Variants in EFNA5 observed in about 807,000 individuals in gnomAD.
EFNA5 encodes the protein ephrin-A5.
Under a neutral mutation model 22.9 loss-of-function variants are expected in EFNA5, and 5 were observed. That is an observed-to-expected ratio of 0.22 (90% CI 0.11 to 0.46). The LOEUF is 0.46. Ranked by LOEUF, EFNA5 falls within the 20% of genes least tolerant of loss-of-function variation. EFNA5 has a pLI of 0.99. For missense variants in EFNA5, 237 were observed against 293.3 expected (o/e 0.81, Z 1.40); for synonymous variants, 113 against 112.2 (o/e 1.01, Z -0.04).
chr5:107,586,766 A>T (rs1021458290), intron 1 of EFNA5, among the ~76,000 whole-genome samples: 5 of 152,330 alleles, frequency 3.3e-5, no homozygotes, highest in East Asian at 3.9e-4. Flanking sequence ...GGAAACCAAG[A>T]ACACTCCTTC....
In EFNA5 at chr5:107,634,511, T is replaced by C. The variant is rs1750332231; in HGVS notation, c.125+35978A>G. 1.8e-5 allele frequency among the ~76,000 whole-genome samples: 2 copies of C among 112,854 alleles called. 1 individual carries two copies. Among genetic ancestry groups the C allele is most frequent in the Non-Finnish European group, 4.4e-5 (2 of 45,788 alleles). The allele number at this position is 112,854 out of a possible 152,430, so 74.0% of individuals were successfully genotyped here. ...AGCCTGGACAACAAATGAGATCCTC[T>C]CACAAAAAAAGAAGAAAGTTCACAA... On this transcript the variant is annotated intron_variant, in intron 1 of 4. Coordinates refer to ENST00000333274, the MANE Select transcript of EFNA5 (RefSeq NM_001962.3).
At chr5:107,458,031 A>G (rs1422098590) in intron 1 of EFNA5, among the ~76,000 whole-genome samples, 1 of 152,162 alleles carries the variant, frequency 6.6e-6, no homozygotes, top group East Asian at 1.9e-4. Context: ...CTCCTCTTCC[A>G]AATCCCATGC....
At chr5:107,579,511 T>C (rs1034647734) in intron 1 of EFNA5, among the ~76,000 whole-genome samples, 1 of 151,448 alleles carries the variant, frequency 6.6e-6, no homozygotes, top group East Asian at 1.9e-4. Context: ...AAGAAACATA[T>C]AGTTGTGTGA....
intron 1 of EFNA5, among the ~76,000 whole-genome samples, chr5:107,660,553 T>C (rs2112560306): frequency 6.6e-6 from 1 of 152,028 alleles, no homozygotes; most frequent in South Asian, 2.1e-4. Flanking sequence ...AATAGCTTTA[T>C]ATTTTGATAC....
chr5:107,396,863 G>A (rs1301298344), intron 2 of EFNA5, among the ~76,000 whole-genome samples: 1 of 152,084 alleles, frequency 6.6e-6, no homozygotes, highest in Non-Finnish European at 1.5e-5. Flanking sequence ...TGTGAGCAGT[G>A]AGCATGCTAT....
At chr5:107,538,677 T>A (rs1332161890) in intron 1 of EFNA5, among the ~76,000 whole-genome samples, 1 of 152,202 alleles carries the variant, frequency 6.6e-6, no homozygotes. Flanking sequence ...GTGTAAGCCA[T>A]TGGAGATACA....
At position 107,591,969 on chromosome 5, in the gene EFNA5, T is replaced by TATATATTATATATAATATATATA. The variant is rs1561443091; in HGVS notation, c.125+78519_125+78520insTATATATATTATATATAATATAT. Among the ~76,000 whole-genome samples the TATATATTATATATAATATATATA allele has an allele frequency of 2.1e-4, 6 of 28,972 alleles. 1 individual carries two copies. The highest frequency in any genetic ancestry group is 5.5e-4 in the East Asian group (1 of 1,812). 19.0% of individuals were successfully genotyped at this position (28,972 alleles called of 152,430 possible). On this transcript the variant is annotated intron_variant, in intron 1 of 4. Coordinates refer to ENST00000333274, the MANE Select transcript of EFNA5 (RefSeq NM_001962.3). ...TATATATAATATATAATATATATAA[T>TATATATTATATATAATATATATA]ATATATAATATATAATATATAATAT...
rs150797159 is a variant in EFNA5 at position 107,431,578 on chromosome 5, C to T, written c.126-4069G>A. On this transcript the variant is annotated intron_variant, in intron 1 of 4. Coordinates refer to ENST00000333274, the MANE Select transcript of EFNA5 (RefSeq NM_001962.3). ...AAGTCAAGCAACGTGCCCAATATTA[C>T]ACAACTAGTAAAGAAAAGGGGGAGG... Among the ~76,000 whole-genome samples the T allele has an allele frequency of 2.0e-5, 3 of 152,276 alleles. No homozygotes were observed. The East Asian group carries it at 5.8e-4, about 29-fold the overall frequency.
chr5:107,435,313 C>CTATTTT, intron 1 of EFNA5, among the ~76,000 whole-genome samples: 1 of 97,268 alleles, frequency 1.0e-5, no homozygotes, highest in Non-Finnish European at 2.0e-5. Context: ...TCTGAAGATG[C>CTATTTT]TCTTTTTTTT....
intron 1 of EFNA5, among the ~76,000 whole-genome samples, chr5:107,517,573 G>A (rs1442944426): frequency 6.6e-6 from 1 of 152,134 alleles, no homozygotes; most frequent in African/African-American, 2.4e-5. Flanking sequence ...CTCTTCTTGT[G>A]TGCCCAATAA....
intron 1 of EFNA5, among the ~76,000 whole-genome samples, chr5:107,437,236 G>T (rs1749136241): frequency 1.3e-5 from 2 of 152,182 alleles, no homozygotes; most frequent in South Asian, 4.1e-4. Flanking sequence ...CAGACAAGGG[G>T]AAGCATATAT....
intron 2 of EFNA5, among the ~76,000 whole-genome samples, chr5:107,399,338 A>C (rs1376868478): frequency 1.3e-5 from 2 of 148,912 alleles, no homozygotes; most frequent in African/African-American, 5.0e-5. Flanking sequence ...AGGAAAGGAA[A>C]GGAAAGGAAA....
At chr5:107,422,114 C>G (rs1015110986) in intron 2 of EFNA5, among the ~76,000 whole-genome samples, 1 of 152,154 alleles carries the variant, frequency 6.6e-6, no homozygotes, top group African/African-American at 2.4e-5. Context: ...TGCTTACTCA[C>G]TTAACTTCCT....
intron 1 of EFNA5, among the ~76,000 whole-genome samples, chr5:107,642,462 T>TAA (rs752015344): frequency 1.1e-4 from 8 of 70,738 alleles, no homozygotes; most frequent in East Asian, 1.1e-3. Flanking sequence ...TTTTGTCAAC[T>TAA]AAAAAAAAAA....
chr5:107,451,965 G>A (rs1749570269), intron 1 of EFNA5, among the ~76,000 whole-genome samples: 1 of 152,112 alleles, frequency 6.6e-6, no homozygotes, highest in Admixed American at 6.5e-5. Context: ...CAAAGACATG[G>A]AACCAACTCA....
chr5:107,410,336 T>C (rs770360965), intron 2 of EFNA5, among the ~76,000 whole-genome samples: 3 of 152,184 alleles, frequency 2.0e-5, no homozygotes, highest in South Asian at 2.1e-4. Flanking sequence ...AGTCTGTATA[T>C]GTTGCTCATC....
Position 107,644,992 on chromosome 5 carries a change from C to T in EFNA5, c.125+25497G>A, listed in dbSNP as rs534976821. On this transcript the variant is annotated intron_variant, in intron 1 of 4. Transcript: ENST00000333274. Reference sequence around the variant, plus strand: ...CTGGGATTACAGGCGTGAGCCACCACGCCTGGCCTGTTCTGTTTTTCAAAT... The same window carrying T: ...CTGGGATTACAGGCGTGAGCCACCATGCCTGGCCTGTTCTGTTTTTCAAAT... Among the ~76,000 whole-genome samples the T allele has an allele frequency of 5.3e-5, 8 of 152,276 alleles. No homozygotes were observed. The South Asian group carries it at 1.0e-3, about 20-fold the overall frequency.
Position 107,605,459 on chromosome 5 carries a change from A to G in EFNA5, c.125+65030T>C, listed in dbSNP as rs564944737. Among the ~76,000 whole-genome samples, 14 of 152,284 alleles carry G rather than the reference A, an allele frequency of 9.2e-5. 1 individual carries two copies. The South Asian group carries it at 2.7e-3, about 29-fold the overall frequency. On this transcript the variant is annotated intron_variant, in intron 1 of 4. Coordinates refer to ENST00000333274, the MANE Select transcript of EFNA5 (RefSeq NM_001962.3). ...GTTAGCAGACGGCTGTCATGATAATAGTGAGAAACCTTATAGGAGCAATAA... is the reference window on the plus strand; with the variant it reads ...GTTAGCAGACGGCTGTCATGATAATGGTGAGAAACCTTATAGGAGCAATAA...
intron 1 of EFNA5, among the ~76,000 whole-genome samples, chr5:107,663,235 C>T (rs1259043320): frequency 2.6e-5 from 4 of 151,908 alleles, no homozygotes; most frequent in Admixed American, 1.3e-4. Context: ...AAAAAAAACA[C>T]GCTGATTTAA....
Sources: gnomAD v4.1 joint callset for allele counts (sites outside exome capture counted in the v4.1 genomes callset) on GRCh38, gnomAD v4.1.1 for gene constraint, MANE v1.5 for transcripts, NCBI Gene and HGNC (gene_info 2026-07-23, HGNC 2026-07-21) for gene names.